Variants in RIC1 observed in about 807,000 individuals in gnomAD.
The protein encoded by RIC1 is RIC1 partner of RAB6A GEF complex.
Under a neutral mutation model 169.0 loss-of-function variants are expected in RIC1, and 88 were observed. That is an observed-to-expected ratio of 0.52 (90% CI 0.44 to 0.62). The LOEUF (loss-of-function observed/expected upper bound fraction) is 0.62, where lower values mean the gene tolerates loss of function less well. Ranked by LOEUF, RIC1 falls within the 20% of genes least tolerant of loss-of-function variation. RIC1 has a pLI of 0.00. For missense variants in RIC1, 1,877 were observed against 1,725.5 expected (o/e 1.09, Z -1.56); for synonymous variants, 790 against 601.5 (o/e 1.31, Z -4.59).
intron 3 of RIC1, among the ~76,000 whole-genome samples, chr9:5,704,470 C>A (rs558453471): frequency 2.6e-5 from 4 of 152,120 alleles, no homozygotes; most frequent in Admixed American, 6.5e-5. Flanking sequence ...TCTTGGCCCC[C>A]CAAAGTGCTG....
At position 5,728,639 on chromosome 9, in the gene RIC1, C is replaced by G. The variant is rs139378886; in HGVS notation, c.721-3749C>G. ...CATCACTCATGCTGGGAGCTGTACA[C>G]TGGAGCTGTTCCTATTTGGCCATCT... On this transcript the variant is annotated intron_variant, in intron 6 of 25. Coordinates refer to ENST00000414202, the MANE Select transcript of RIC1 (RefSeq NM_020829.4). 2.2e-3 allele frequency among the ~76,000 whole-genome samples: 335 copies of G among 152,338 alleles called. 2 individuals carry two copies. The highest frequency in any genetic ancestry group is 7.8e-3 in the African/African-American group (326 of 41,574).
At chr9:5,686,542 C>T (rs1821238835) in intron 2 of RIC1, among the ~76,000 whole-genome samples, 1 of 149,728 alleles carries the variant, frequency 6.7e-6, no homozygotes, top group Non-Finnish European at 1.5e-5. Flanking sequence ...AAACCAAACA[C>T]CGCATATTCT....
intron 2 of RIC1, among the ~76,000 whole-genome samples, chr9:5,681,298 TA>T (rs961054872): frequency 6.6e-6 from 1 of 152,250 alleles, no homozygotes; most frequent in African/African-American, 2.4e-5. Context: ...TGTGGGCATT[TA>T]GTGCTATAAA....
At chr9:5,684,633 C>A (rs932720692) in intron 2 of RIC1, among the ~76,000 whole-genome samples, 1 of 151,944 alleles carries the variant, frequency 6.6e-6, no homozygotes, top group Admixed American at 6.6e-5. Flanking sequence ...ATAGTTAATT[C>A]CATTAGGAGT....
chr9:5,743,780 T>C (rs531836881), intron 10 of RIC1, 43 bp downstream of exon 10: 190 of 1,442,646 alleles, frequency 1.3e-4, no homozygotes, highest in Non-Finnish European at 1.8e-4. Flanking sequence ...TTAAAAAAAC[T>C]TGGATTTTTC....
At chr9:5,630,168 A>C (rs1267394072) in intron 1 of RIC1, among the ~76,000 whole-genome samples, 1 of 152,162 alleles carries the variant, frequency 6.6e-6, no homozygotes, top group African/African-American at 2.4e-5. Context: ...ATGGAACTGA[A>C]TTCTGTTTTT....
At chr9:5,758,244 C>T (rs115658810) in intron 17 of RIC1, among the ~76,000 whole-genome samples, 1,723 of 152,150 alleles carry the variant, frequency 0.011, 45 homozygotes, top group African/African-American at 0.04. Context: ...AGAAGTAGGG[C>T]GACCAGGACC....
intron 17 of RIC1, among the ~76,000 whole-genome samples, chr9:5,759,070 G>T (rs188075831): frequency 6.6e-6 from 1 of 151,962 alleles, no homozygotes; most frequent in Non-Finnish European, 1.5e-5. Flanking sequence ...GGTAAAATTG[G>T]TTTTCTCCTT....
chr9:5,770,864 A>T (rs1480266234), intron 23 of RIC1, among the ~76,000 whole-genome samples: 2 of 152,220 alleles, frequency 1.3e-5, no homozygotes, highest in African/African-American at 4.8e-5. Flanking sequence ...GTAATGGGTA[A>T]ATCACAAACT....
chr9:5,630,780 A>G (rs538123850), intron 1 of RIC1, among the ~76,000 whole-genome samples: 10 of 152,324 alleles, frequency 6.6e-5, no homozygotes, highest in Middle Eastern at 3.4e-3. Context: ...ATATAAACAT[A>G]TGTGTAAATA....
rs936020842 is a variant in RIC1, at chr9:5,651,359, T to G, written c.145-5224T>G. 5.3e-5 allele frequency among the ~76,000 whole-genome samples: 8 copies of G among 151,426 alleles called. No homozygotes were observed. In the South Asian group the frequency reaches 1.7e-3, roughly 32 times the overall value. On this transcript the variant is annotated intron_variant, in intron 1 of 25. Coordinates refer to ENST00000414202, the MANE Select transcript of RIC1 (RefSeq NM_020829.4). The stretch of plus-strand genomic sequence containing the variant: ...AAGTGTGACTCCTCCCTGTTTGGGT[T>G]TTTTTTTTGTGAAGGAGGCAAGGGC...
intron 22 of RIC1, chr9:5,769,589 C>A: frequency 1.6e-6 from 1 of 640,742 alleles, no homozygotes; most frequent in Non-Finnish European, 2.4e-6. Flanking sequence ...TAGACATGGA[C>A]CTCAAAGTAA....
chr9:5,694,934 A>G (rs1463727367), intron 3 of RIC1, among the ~76,000 whole-genome samples: 1 of 152,166 alleles, frequency 6.6e-6, no homozygotes. Flanking sequence ...GCACTGTTGT[A>G]GATACTAGAG....
intron 1 of RIC1, among the ~76,000 whole-genome samples, chr9:5,653,220 T>A (rs1051969822): frequency 3.3e-5 from 5 of 152,234 alleles, no homozygotes; most frequent in African/African-American, 4.8e-5. Flanking sequence ...TCCTTGTTTG[T>A]TAAAGATCAG....
At chr9:5,665,694 A>C (rs1430469269) in intron 2 of RIC1, among the ~76,000 whole-genome samples, 1 of 152,112 alleles carries the variant, frequency 6.6e-6, no homozygotes, top group Admixed American at 6.6e-5. Context: ...CTTCCATAGA[A>C]CTGCTGCCAT....
At chr9:5,681,310 A>G (rs1820821478) in intron 2 of RIC1, among the ~76,000 whole-genome samples, 1 of 151,942 alleles carries the variant, frequency 6.6e-6, no homozygotes, top group African/African-American at 2.4e-5. Context: ...GTGCTATAAA[A>G]TTCCCTCTAC....
intron 2 of RIC1, among the ~76,000 whole-genome samples, chr9:5,682,524 A>T (rs1169252532): frequency 2.0e-5 from 3 of 151,940 alleles, no homozygotes; most frequent in Non-Finnish European, 4.4e-5. Flanking sequence ...CTGCCAAGAG[A>T]TCGGCTGTTA....
At chr9:5,640,138 GTTCT>G (rs1395723142) in intron 1 of RIC1, among the ~76,000 whole-genome samples, 1 of 152,028 alleles carries the variant, frequency 6.6e-6, no homozygotes, top group Non-Finnish European at 1.5e-5. Context: ...TGTGGTCTTC[GTTCT>G]TTCTTTACTT....
chr9:5,689,186 T>A (rs4742116), intron 2 of RIC1, among the ~76,000 whole-genome samples: 1 of 151,088 alleles, frequency 6.6e-6, no homozygotes, highest in Non-Finnish European at 1.5e-5. Flanking sequence ...GTAGCTGGGA[T>A]TACAGGCGCC....
Sources: allele counts gnomAD v4.1 joint callset (sites outside exome capture counted in the v4.1 genomes callset), GRCh38; gene constraint gnomAD v4.1.1; transcripts MANE v1.5; gene names NCBI Gene and HGNC (gene_info 2026-07-23, HGNC 2026-07-21).